Variants in HLTF observed in about 807,000 individuals in gnomAD.
HLTF encodes helicase like transcription factor, also known as DNA-dependent ATPase/E3 ubiquitin-protein ligase HLTF.
Under a neutral mutation model 129.4 loss-of-function variants are expected in HLTF, and 127 were observed. The observed-to-expected ratio is 0.98, with a 90% confidence interval of 0.85 to 1.14. HLTF has a LOEUF of 1.14. Among genes scored for constraint, HLTF ranks in the 50% most tolerant of loss-of-function variants. The pLI is 0.00. For missense variants in HLTF, 1,139 were observed against 1,187.1 expected, an observed-to-expected ratio of 0.96 and a Z score of 0.60; for synonymous variants, 332 against 388.8, an observed-to-expected ratio of 0.85 and a Z score of 1.72.
rs543229701 is a variant in HLTF at position 149,044,927 on chromosome 3, G to A, written c.2072+1153C>T. On this transcript the variant is annotated intron_variant, in intron 18 of 24. Coordinates refer to ENST00000310053, the MANE Select transcript of HLTF (RefSeq NM_003071.4). The stretch of plus-strand genomic sequence containing the variant: ...GACTGCCACTGGTCTCCCTACTTCT[G>A]ACCTTATTCCTATTCAAATAACCTA... 2.6e-5 allele frequency among the ~76,000 whole-genome samples: 4 copies of A among 152,136 alleles called. No homozygotes were observed. The South Asian group carries it at 8.3e-4, about 32-fold the overall frequency.
Position 149,040,135 on chromosome 3 carries a change from A to G in HLTF, c.2398T>C (p.Cys800Arg), listed in dbSNP as rs770654993. 1.2e-6 allele frequency: 2 copies of G among 1,608,488 alleles called. No individual in the cohort carries two copies. The highest frequency in any genetic ancestry group is 3.4e-5 in the Admixed American group (2 of 59,658). Residue 800 changes from cysteine to arginine, a missense_variant, in exon 21 of 25, where the codon TGC becomes CGC. Coordinates refer to ENST00000310053, the MANE Select transcript of HLTF (RefSeq NM_003071.4). The stretch of plus-strand genomic sequence containing the variant: ...TTATCTTCATGTATATCATTTCTGC[A>G]TAAAGGGCATTTAGCATGTGGCTAT... ...NEQPHAKCPLCRNDIHEDNLL... is the reference protein window; with the variant it reads ...NEQPHAKCPLRRNDIHEDNLL...
At chr3:149,047,269 T>C (rs1297325274) in intron 17 of HLTF, among the ~76,000 whole-genome samples, 1 of 152,174 alleles carries the variant, frequency 6.6e-6, no homozygotes, top group Non-Finnish European at 1.5e-5. Flanking sequence ...CTTTTATCTA[T>C]CTCCACCAGA....
intron 23 of HLTF, among the ~76,000 whole-genome samples, chr3:149,036,740 C>T (rs1005274058): frequency 5.9e-5 from 9 of 151,710 alleles, no homozygotes; most frequent in African/African-American, 2.2e-4. Context: ...AGAGGAAGAC[C>T]CTGTCTCTTA....
chr3:149,051,561 A>G (rs768309478), intron 14 of HLTF, among the ~76,000 whole-genome samples: 104 of 152,326 alleles, frequency 6.8e-4, no homozygotes, highest in Non-Finnish European at 1.2e-3. Context: ...TGCCTGGGGT[A>G]TAATTAAAAA....
chr3:149,084,340 G>A (rs940006106), intron 2 of HLTF, among the ~76,000 whole-genome samples: 1 of 139,960 alleles, frequency 7.1e-6, no homozygotes, highest in African/African-American at 2.7e-5. Context: ...AACATACGGA[G>A]AAATGAAAGA....
intron 19 of HLTF, 130 bp downstream of exon 19, chr3:149,042,036 C>T: frequency 1.3e-6 from 1 of 770,352 alleles, no homozygotes; most frequent in Non-Finnish European, 2.2e-6. Context: ...CTAGCTGAGT[C>T]TCACACTAAA....
intron 8 of HLTF, among the ~76,000 whole-genome samples, chr3:149,067,693 AAAT>A (rs952310535): frequency 7.2e-5 from 11 of 152,224 alleles, no homozygotes; most frequent in African/African-American, 2.4e-4. Context: ...AGGGAAAAAA[AAAT>A]AATAATAATA....
chr3:149,064,713 C>G (rs369282626), intron 9 of HLTF, 78 bp downstream of exon 9: 1 of 931,280 alleles, frequency 1.1e-6, no homozygotes, highest in Non-Finnish European at 1.7e-6. Flanking sequence ...GCTGAAAAAA[C>G]GCAAATCAAA....
In HLTF at chr3:149,031,740, G is replaced by C. The variant is rs1275508839; in HGVS notation, c.*480C>G. 4 of 152,144 alleles carry C rather than the reference G, an allele frequency of 2.6e-5. No individual in the cohort carries two copies. The East Asian group carries it at 7.7e-4, about 29-fold the overall frequency. The allele number at this position is 152,144 out of a possible 1,614,324, so 9.4% of individuals were successfully genotyped here. On this transcript the variant is annotated 3_prime_UTR_variant, in exon 25 of 25. Transcript: ENST00000310053. ...AGATTTGGTTCTGGAATGCAAATAT[G>C]GTTTTTGAAAGCCCAATAAAATTAA... is the stretch of plus-strand genomic sequence containing the variant.
chr3:149,051,878 G>C (rs1398740884), intron 14 of HLTF, among the ~76,000 whole-genome samples: 3 of 149,316 alleles, frequency 2.0e-5, no homozygotes, highest in African/African-American at 7.4e-5. Flanking sequence ...TTTAAAAAAG[G>C]CCGGGTGCAG....
rs140776452 is a variant in HLTF at position 149,073,268 on chromosome 3, T to C, written c.584A>G (p.Tyr195Cys). 279 of 1,613,420 alleles carry C rather than the reference T, an allele frequency of 1.7e-4. No individual in the cohort carries two copies. The highest frequency in any genetic ancestry group is 1.7e-4 in the Non-Finnish European group (202 of 1,179,518). Residue 195 changes from tyrosine to cysteine, a missense_variant, in exon 5 of 25, where the codon TAT becomes TGT. Tyr to Cys is a radical substitution (Grantham distance 194, BLOSUM62 -2). Transcript: ENST00000310053. ...TACTGCAGCATGCACTGGCATACTA[T>C]AGCTTGGTCCAGCTCTTCCAGAGCC... is the stretch of plus-strand genomic sequence containing the variant. ...GWGSGRAGPS[Y>C]SMPVHAAVQM...
chr3:149,050,479 T>C, intron 14 of HLTF, 104 bp from the exon 15 acceptor site: 1 of 639,992 alleles, frequency 1.6e-6, no homozygotes, highest in Non-Finnish European at 2.6e-6. Flanking sequence ...CAAATCCAAC[T>C]ACTAAAATTG....
chr3:149,042,508 T>C (rs1374431969), intron 18 of HLTF, among the ~76,000 whole-genome samples: 1 of 152,038 alleles, frequency 6.6e-6, no homozygotes, highest in East Asian at 1.9e-4. Context: ...CTAAGTCAGA[T>C]AGGAAGATGC....
Position 149,073,252 on chromosome 3 carries a change from A to AT in HLTF, c.599dup (p.His200GlnfsTer9), listed in dbSNP as rs1335519620. 6.2e-7 allele frequency: 1 copy of AT among 1,612,292 alleles called. No homozygotes were observed. The highest frequency in any genetic ancestry group is 1.3e-5 in the African/African-American group (1 of 74,902). ...GTTCAGTTGTCATCTGTACTGCAGC[A>AT]TGCACTGGCATACTATAGCTTGGTC... On this transcript the variant is annotated frameshift_variant, in exon 5 of 25. Transcript: ENST00000310053. LOFTEE classifies it high-confidence loss of function.
intron 2 of HLTF, among the ~76,000 whole-genome samples, chr3:149,079,429 A>T: frequency 6.8e-6 from 1 of 146,324 alleles, no homozygotes; most frequent in Non-Finnish European, 1.5e-5. Flanking sequence ...AAAAAAATAA[A>T]AATTTTTAAG....
intron 14 of HLTF, among the ~76,000 whole-genome samples, chr3:149,051,042 G>C (rs750830364): frequency 1.3e-5 from 2 of 152,080 alleles, no homozygotes; most frequent in Non-Finnish European, 1.5e-5. Context: ...GGAGAGAGAT[G>C]ATGAAGTCCT....
chr3:149,080,517 T>A (rs1719780359), intron 2 of HLTF, among the ~76,000 whole-genome samples: 1 of 152,122 alleles, frequency 6.6e-6, no homozygotes, highest in Admixed American at 6.6e-5. Context: ...CTATGTTCTC[T>A]CCCAGTCGCC....
At chr3:149,041,698 G>C (rs1716146555) in intron 19 of HLTF, 30 bp from the exon 20 acceptor site, 1 of 1,506,822 alleles carries the variant, frequency 6.6e-7, no homozygotes, top group East Asian at 2.3e-5. Flanking sequence ...ATTAATTTCA[G>C]AGCAAGGTTT....
chr3:149,050,090 ACC>A, intron 15 of HLTF, 140 bp downstream of exon 15: 1 of 436,786 alleles, frequency 2.3e-6, no homozygotes. Flanking sequence ...AAAAAAAAAA[ACC>A]ATTTATTTTT....
Sources: allele counts gnomAD v4.1 joint callset (sites outside exome capture counted in the v4.1 genomes callset), GRCh38; gene constraint gnomAD v4.1.1; transcripts MANE v1.5; gene names NCBI Gene and HGNC (gene_info 2026-07-23, HGNC 2026-07-21).